Variants in CNTNAP2 observed in about 807,000 individuals in gnomAD.
CNTNAP2 encodes contactin-associated protein-like 2.
CNTNAP2 carries 98 observed loss-of-function variants against 155.2 expected under a neutral mutation model. That is an observed-to-expected ratio of 0.63 (90% CI 0.54 to 0.75). The LOEUF is 0.75. CNTNAP2 is among the 30% of genes least tolerant of loss of function. The probability of loss-of-function intolerance (pLI) is 0.00; values close to 1 mark genes in which losing one functional copy is unlikely to be tolerated. For synonymous variants in CNTNAP2, 651 were observed against 631.2 expected, an observed-to-expected ratio of 1.03 and a Z score of -0.47; for missense variants, 1,727 against 1,688.1, an observed-to-expected ratio of 1.02 and a Z score of -0.40.
At chr7:147,305,321 G>C (rs1269429981) in intron 9 of CNTNAP2, among the ~76,000 whole-genome samples, 1 of 152,136 alleles carries the variant, frequency 6.6e-6, no homozygotes, top group South Asian at 2.1e-4. Flanking sequence ...ATAATTAGGG[G>C]ATGTGGTTAT....
At chr7:148,241,041 C>A (rs924051863) in intron 20 of CNTNAP2, among the ~76,000 whole-genome samples, 1 of 152,320 alleles carries the variant, frequency 6.6e-6, no homozygotes, top group South Asian at 2.1e-4. Flanking sequence ...CACAGACACA[C>A]CCAGGAACAA....
chr7:147,002,995 C>T (rs1798455694), intron 3 of CNTNAP2, among the ~76,000 whole-genome samples: 1 of 116,724 alleles, frequency 8.6e-6, no homozygotes, highest in Non-Finnish European at 1.9e-5. Context: ...GAAAAGAAGA[C>T]AAGGATTTAG....
At chr7:147,388,532 A>G (rs1257148402) in intron 9 of CNTNAP2, among the ~76,000 whole-genome samples, 2 of 152,052 alleles carry the variant, frequency 1.3e-5, no homozygotes, top group Non-Finnish European at 2.9e-5. Flanking sequence ...ACAAATTTAC[A>G]CTAATTGATT....
chr7:147,577,936 C>G (rs1186828999), intron 12 of CNTNAP2, among the ~76,000 whole-genome samples: 1 of 151,996 alleles, frequency 6.6e-6, no homozygotes, highest in African/African-American at 2.4e-5. Context: ...TTTCCATACA[C>G]AGTATTCATT....
intron 13 of CNTNAP2, among the ~76,000 whole-genome samples, chr7:147,756,594 T>C (rs1324523956): frequency 2.6e-5 from 4 of 152,126 alleles, no homozygotes; most frequent in African/African-American, 2.4e-5. Context: ...TTAATCATCA[T>C]TAAAAACAGA....
At chr7:148,413,461 T>C in intron 23 of CNTNAP2, among the ~76,000 whole-genome samples, 1 of 133,862 alleles carries the variant, frequency 7.5e-6, no homozygotes, top group African/African-American at 2.8e-5. Context: ...TCCATAGTTT[T>C]CTTGTAACAT....
At chr7:148,116,657 A>C (rs1804480510) in intron 15 of CNTNAP2, among the ~76,000 whole-genome samples, 1 of 152,246 alleles carries the variant, frequency 6.6e-6, no homozygotes, top group Non-Finnish European at 1.5e-5. Context: ...AAACAGCATT[A>C]ATTAAATAAG....
At chr7:147,500,294 A>C in intron 11 of CNTNAP2, among the ~76,000 whole-genome samples, 1 of 152,166 alleles carries the variant, frequency 6.6e-6, no homozygotes, top group South Asian at 2.1e-4. Flanking sequence ...ACATTTTTAC[A>C]TTAAAATTAT....
intron 1 of CNTNAP2, among the ~76,000 whole-genome samples, chr7:146,284,952 TTAA>T (rs1187707412): frequency 6.6e-6 from 1 of 152,182 alleles, no homozygotes; most frequent in Non-Finnish European, 1.5e-5. Context: ...CTGAGCGGTG[TTAA>T]TAACTACTTG....
chr7:147,615,405 G>A (rs943116434), intron 12 of CNTNAP2, among the ~76,000 whole-genome samples: 4 of 146,710 alleles, frequency 2.7e-5, no homozygotes, highest in African/African-American at 1.0e-4. Flanking sequence ...TTCAAAACCA[G>A]CCTAGGCAAC....
chr7:148,030,078 A>G (rs1802447146), intron 15 of CNTNAP2, among the ~76,000 whole-genome samples: 1 of 152,330 alleles, frequency 6.6e-6, no homozygotes, highest in Admixed American at 6.5e-5. Flanking sequence ...CCAGGAAAAT[A>G]GCATCTTCCA....
At chr7:147,519,318 G>C (rs1025982917) in intron 11 of CNTNAP2, among the ~76,000 whole-genome samples, 3 of 152,068 alleles carry the variant, frequency 2.0e-5, no homozygotes, top group Admixed American at 1.3e-4. Context: ...TTCTCACATC[G>C]CATTGCTCTG....
At chr7:146,822,007 A>C (rs533827736) in intron 2 of CNTNAP2, among the ~76,000 whole-genome samples, 4 of 152,080 alleles carry the variant, frequency 2.6e-5, no homozygotes, top group African/African-American at 9.7e-5. Flanking sequence ...ATGCTGCTAT[A>C]AAGACACATG....
intron 1 of CNTNAP2, among the ~76,000 whole-genome samples, chr7:146,515,889 T>A (rs759485468): frequency 5.9e-5 from 9 of 152,048 alleles, no homozygotes; most frequent in Non-Finnish European, 1.0e-4. Flanking sequence ...TATTGACATA[T>A]CATTAATCAT....
At chr7:148,140,183 C>A (rs1805031630) in intron 16 of CNTNAP2, among the ~76,000 whole-genome samples, 1 of 152,168 alleles carries the variant, frequency 6.6e-6, no homozygotes, top group African/African-American at 2.4e-5. Context: ...GAGCACATTT[C>A]TTTCCTGGAA....
In CNTNAP2 at chr7:146,792,815, G is replaced by T. The variant is rs188413557; in HGVS notation, c.208+18434G>T. On this transcript the variant is annotated intron_variant, in intron 2 of 23. Transcript: ENST00000361727. ...ATTAATCAAAAGAAAATAGATACTTGTCTTACTCGATGAAAATAATAATTA... is the reference window on the plus strand; with the variant it reads ...ATTAATCAAAAGAAAATAGATACTTTTCTTACTCGATGAAAATAATAATTA... Among the ~76,000 whole-genome samples, 49 of 152,214 alleles carry T rather than the reference G, an allele frequency of 3.2e-4. 1 individual carries two copies. The highest frequency in any genetic ancestry group is 2.9e-3 in the Admixed American group (44 of 15,284).
At chr7:146,594,548 T>G (rs532970866) in intron 1 of CNTNAP2, among the ~76,000 whole-genome samples, 6 of 152,166 alleles carry the variant, frequency 3.9e-5, no homozygotes, top group Non-Finnish European at 8.8e-5. Context: ...TTTTCTTTTT[T>G]GTCTCAAAAA....
At chr7:148,338,140 G>A (rs984532368) in intron 21 of CNTNAP2, among the ~76,000 whole-genome samples, 6 of 152,008 alleles carry the variant, frequency 3.9e-5, no homozygotes, top group South Asian at 2.1e-4. Context: ...TTTCTGTCCC[G>A]ACAGTTTGCC....
chr7:146,705,285 T>G (rs1800943480), intron 1 of CNTNAP2, among the ~76,000 whole-genome samples: 1 of 152,126 alleles, frequency 6.6e-6, no homozygotes, highest in Admixed American at 6.6e-5. Flanking sequence ...ACAACGAATA[T>G]GTATTTCTCA....
Sources: gnomAD v4.1 joint callset for allele counts (sites outside exome capture counted in the v4.1 genomes callset) on GRCh38, gnomAD v4.1.1 for gene constraint, MANE v1.5 for transcripts, NCBI Gene and HGNC (gene_info 2026-07-23, HGNC 2026-07-21) for gene names.